HERC1: variants seen among roughly 807,000 people sequenced by gnomAD.
The protein encoded by HERC1 is HECT and RLD domain containing E3 ubiquitin protein ligase family member 1.
Under a neutral mutation model 554.3 loss-of-function variants are expected in HERC1, and 160 were observed. The ratio of observed to expected loss-of-function variants is 0.29; its 90% CI spans 0.25 to 0.33. HERC1 has a LOEUF of 0.33. HERC1 is among the 10% of genes least tolerant of loss of function. HERC1 has a pLI of 1.00. For missense variants in HERC1, 4,919 were observed against 5,918.5 expected (o/e 0.83, Z 5.54); for synonymous variants, 2,175 against 2,131.7 (o/e 1.02, Z -0.56).
intron 36 of HERC1, among the ~76,000 whole-genome samples, chr15:63,679,597 A>G (rs528471873): frequency 5.3e-5 from 8 of 152,298 alleles, no homozygotes; most frequent in Admixed American, 5.2e-4. Flanking sequence ...ATGAGGTGAA[A>G]GAGAAAGTTT....
rs1595982078 is a variant in HERC1 at position 63,689,796 on chromosome 15, G to A, written c.5938-97C>T. 4 of 659,494 alleles carry A rather than the reference G, an allele frequency of 6.1e-6. No homozygotes were observed. The East Asian group carries it at 1.1e-4, about 19-fold the overall frequency. The allele number at this position is 659,494 out of a possible 1,614,324, so 40.9% of individuals were successfully genotyped here. On this transcript the variant is annotated intron_variant, in intron 32 of 77. Coordinates refer to ENST00000443617, the MANE Select transcript of HERC1 (RefSeq NM_003922.4). ...TGTTAACTGTAATATTAACTCGCAT[G>A]CGAAGTTTGATTATACCAGTGTTCA... is the stretch of plus-strand genomic sequence containing the variant.
rs994211180 is a variant in HERC1, at chr15:63,628,902, A to C, written c.12967-87T>G. On this transcript the variant is annotated intron_variant, in intron 69 of 77. Coordinates refer to ENST00000443617, the MANE Select transcript of HERC1 (RefSeq NM_003922.4). ...TGAAATTTTTCTTAGATGGTGGCAG[A>C]CATAAATAAGTTAATAACTGTACCA... 1.1e-5 allele frequency: 14 copies of C among 1,313,494 alleles called. No homozygotes were observed. In the South Asian group the frequency reaches 1.9e-4, roughly 18 times the overall value. 81.4% of individuals were successfully genotyped at this position (1,313,494 alleles called of 1,614,324 possible).
chr15:63,705,302 T>G (rs2072943052), intron 25 of HERC1, among the ~76,000 whole-genome samples: 1 of 152,000 alleles, frequency 6.6e-6, no homozygotes, highest in Non-Finnish European at 1.5e-5. Flanking sequence ...TACAGGTGCA[T>G]GCATCCACGC....
Position 63,787,130 on chromosome 15 carries a change from C to T in HERC1, c.-26-11481G>A, listed in dbSNP as rs369288740. On this transcript the variant is annotated intron_variant, in intron 1 of 77. Coordinates refer to ENST00000443617, the MANE Select transcript of HERC1 (RefSeq NM_003922.4). ...GTGCTGGGATTACAGGCATGAGCCA[C>T]CATCCCCAGTCTCAATAAATTATTA... 5.3e-5 allele frequency among the ~76,000 whole-genome samples: 8 copies of T among 151,904 alleles called. No individual in the cohort carries two copies. In the East Asian group the frequency reaches 1.2e-3, roughly 22 times the overall value.
At chr15:63,764,289 C>G (rs1207083871) in intron 2 of HERC1, 98 bp from the exon 3 acceptor site, 1 of 764,186 alleles carries the variant, frequency 1.3e-6, no homozygotes, top group Non-Finnish European at 2.2e-6. Flanking sequence ...TATTTGAAGA[C>G]CTGTTTATAT....
intron 34 of HERC1, 77 bp downstream of exon 34, chr15:63,686,282 T>C: frequency 9.3e-7 from 1 of 1,075,266 alleles, no homozygotes; most frequent in Non-Finnish European, 1.3e-6. Flanking sequence ...TCAGTCTTTC[T>C]ACACATTTAT....
intron 12 of HERC1, among the ~76,000 whole-genome samples, chr15:63,738,981 A>T (rs972155435): frequency 6.8e-6 from 1 of 148,102 alleles, no homozygotes; most frequent in Admixed American, 6.8e-5. Context: ...AAGTCAGTTT[A>T]TTTTTTTTTT....
chr15:63,632,022 G>A (rs2068582896), intron 68 of HERC1, among the ~76,000 whole-genome samples: 1 of 152,112 alleles, frequency 6.6e-6, no homozygotes, highest in African/African-American at 2.4e-5. Context: ...CAATCCTTCT[G>A]GAGTTCCAGA....
chr15:63,730,608 T>C (rs1223731741), intron 14 of HERC1, among the ~76,000 whole-genome samples: 1 of 152,230 alleles, frequency 6.6e-6, no homozygotes, highest in South Asian at 2.1e-4. Context: ...AGACTATATA[T>C]TAAATAACAG....
chr15:63,678,397 T>C lies in HERC1; in HGVS notation c.6550-32A>G, dbSNP rs1437219403. The stretch of plus-strand genomic sequence containing the variant: ...AAAAGTAAAGAGGGTGGAAAACACA[T>C]GCTATTAGTAGTTCTTCTTAGTCAC... On this transcript the variant is annotated intron_variant, in intron 36 of 77. Transcript: ENST00000443617. 3.3e-6 allele frequency: 5 copies of C among 1,531,788 alleles called. No homozygotes were observed. The African/African-American group carries it at 4.2e-5, about 13-fold the overall frequency. 94.9% of individuals were successfully genotyped at this position (1,531,788 alleles called of 1,614,324 possible). A position where few individuals can be genotyped will look rare whatever the true frequency, so the allele number is the denominator to read the frequency against.
chr15:63,720,969 A>G (rs1225006851), intron 19 of HERC1, among the ~76,000 whole-genome samples: 1 of 152,196 alleles, frequency 6.6e-6, no homozygotes, highest in Non-Finnish European at 1.5e-5. Context: ...AATAAAGTCT[A>G]TGCTTACAGT....
chr15:63,649,955 T>C, intron 53 of HERC1, 30 bp from the exon 54 acceptor site: 4 of 1,489,988 alleles, frequency 2.7e-6, no homozygotes, highest in Non-Finnish European at 3.7e-6. Context: ...AACTAGTTTT[T>C]ACTTAATTCT....
chr15:63,755,826 A>T (rs1300009499), intron 5 of HERC1, among the ~76,000 whole-genome samples: 2 of 152,066 alleles, frequency 1.3e-5, no homozygotes, highest in Non-Finnish European at 2.9e-5. Context: ...GGGGAGATTA[A>T]TAAAAAGAGA....
chr15:63,696,202 G>T lies in HERC1; in HGVS notation c.5043C>A (p.Phe1681Leu), dbSNP rs1366983459. ...TGCCTAAACCAAAACACCCTGCTAGGAACTGCAGCCTCACAGACGTGAGTA... is the reference window on the plus strand; with the variant it reads ...TGCCTAAACCAAAACACCCTGCTAGTAACTGCAGCCTCACAGACGTGAGTA... Reference protein sequence around the residue: ...STLLTSVRLQFLAGCFGLGTV... With the variant: ...STLLTSVRLQLLAGCFGLGTV... The change falls in exon 27 of 78, where the codon TTC becomes TTA. Residue 1681 changes from phenylalanine (F) to leucine (L), a missense_variant. Physicochemically the swap from Phe to Leu is conservative, Grantham distance 22. Transcript: ENST00000443617. The T allele has an allele frequency of 6.2e-7, 1 of 1,613,616 alleles. No individual in the cohort carries two copies. Among genetic ancestry groups the T allele is most frequent in the Non-Finnish European group, 8.5e-7 (1 of 1,179,730 alleles).
chr15:63,783,133 G>A lies in HERC1; in HGVS notation c.-26-7484C>T, dbSNP rs1342885844. Among the ~76,000 whole-genome samples, 3 of 152,324 alleles carry A rather than the reference G, an allele frequency of 2.0e-5. 1 individual carries two copies. In the South Asian group the frequency reaches 6.2e-4, roughly 32 times the overall value. ...ATAATGCAGTAGCAGAGTTAGAGAG[G>A]ACTGACTCCTTTTGAATTTTGAAAG... On this transcript the variant is annotated intron_variant, in intron 1 of 77. Coordinates refer to ENST00000443617, the MANE Select transcript of HERC1 (RefSeq NM_003922.4).
chr15:63,740,570 C>T (rs1312446077), intron 12 of HERC1, among the ~76,000 whole-genome samples: 2 of 152,222 alleles, frequency 1.3e-5, no homozygotes, highest in Admixed American at 6.5e-5. Context: ...ATTTCTCCAC[C>T]TCCTCCAATG....
chr15:63,656,033 A>G, intron 49 of HERC1, 55 bp downstream of exon 49: 2 of 1,599,758 alleles, frequency 1.3e-6, no homozygotes, highest in Non-Finnish European at 1.7e-6. Flanking sequence ...CAAAAGGCTC[A>G]AGAATCAGTC....
chr15:63,637,257 C>T (rs1285436185), intron 64 of HERC1: 1 of 551,810 alleles, frequency 1.8e-6, no homozygotes, highest in East Asian at 3.7e-5. Flanking sequence ...CATTTGTTTA[C>T]AATCTTCAGT....
rs1486446193 is a variant in HERC1, at chr15:63,659,930, C to T, written c.9230G>A (p.Trp3077Ter). Residue 3077 changes from tryptophan to a stop codon, truncating the protein, a stop_gained, in exon 47 of 78, where the codon TGG (tryptophan) becomes TAG (stop). Coordinates refer to ENST00000443617, the MANE Select transcript of HERC1 (RefSeq NM_003922.4). LOFTEE classifies it high-confidence loss of function. Reference sequence around the variant, plus strand: ...ATCTTCATCAACATCCAACATGTCCCAGTCTTCTGGAATTTAAATAAATAA... The same window carrying T: ...ATCTTCATCAACATCCAACATGTCCTAGTCTTCTGGAATTTAAATAAATAA... ...GKQDSVYEEDWDMLDVDEDEK... is the reference protein window; with the variant it reads ...GKQDSVYEED 1 of 1,605,718 alleles carries T rather than the reference C, an allele frequency of 6.2e-7. No individual in the cohort carries two copies. Among genetic ancestry groups the T allele is most frequent in the Non-Finnish European group, 8.5e-7 (1 of 1,172,890 alleles).
Sources: gnomAD v4.1 joint callset for allele counts (sites outside exome capture counted in the v4.1 genomes callset) on GRCh38, gnomAD v4.1.1 for gene constraint, MANE v1.5 for transcripts, NCBI Gene and HGNC (gene_info 2026-07-23, HGNC 2026-07-21) for gene names.